UGT1A6: variants seen among roughly 807,000 people sequenced by gnomAD.
UGT1A6 encodes the protein UDP glucuronosyltransferase family 1 member A6.
A neutral mutation model predicts 44.4 loss-of-function variants in UGT1A6; 32 were observed. The ratio of observed to expected loss-of-function variants is 0.72; its 90% CI spans 0.54 to 0.97. The LOEUF is 0.97. Among genes scored for constraint, UGT1A6 ranks in the 50% least tolerant of loss-of-function variants. The pLI is 0.00. For synonymous variants in UGT1A6, 238 were observed against 248.5 expected (o/e 0.96, Z 0.40); for missense variants, 685 against 661.9 (o/e 1.03, Z -0.38).
rs1180664629 is a variant in UGT1A6, at chr2:233,724,483, C to T, written c.861+30618C>T. On this transcript the variant is annotated intron_variant, in intron 1 of 4. Coordinates refer to ENST00000305139, the MANE Select transcript of UGT1A6 (RefSeq NM_001072.4). ...GCGGAGGGGCTCCTCACTTCTCAGA[C>T]GGGGCGGCCGGGCAGAGACGCTCCT... 7.2e-3 allele frequency among the ~76,000 whole-genome samples: 496 copies of T among 68,798 alleles called. 18 individuals are homozygous for T. The highest frequency in any genetic ancestry group is 0.025 in the African/African-American group (456 of 18,100). The allele number at this position is 68,798 out of a possible 152,430, so 45.1% of individuals were successfully genotyped here. A position where few individuals can be genotyped will look rare whatever the true frequency, so the allele number is the denominator to read the frequency against.
At chr2:233,748,132 A>G (rs1234093790) in intron 1 of UGT1A6, 8 of 1,610,034 alleles carry the variant, frequency 5.0e-6, no homozygotes, top group Non-Finnish European at 6.8e-6. Context: ...CAGTTTTTAA[A>G]AATTGTATTT....
At chr2:233,767,269 G>T in intron 2 of UGT1A6, 104 bp downstream of exon 2, 1 of 1,582,682 alleles carries the variant, frequency 6.3e-7, no homozygotes, top group South Asian at 1.2e-5. Flanking sequence ...CTTAGATTTG[G>T]CTTTTCCCTG....
At position 233,747,695 on chromosome 2, in the gene UGT1A6, G is replaced by A. The variant is rs569419089; in HGVS notation, c.862-19339G>A. The A allele has an allele frequency of 6.2e-4, 998 of 1,611,470 alleles. 13 individuals carry two copies. In the South Asian group the frequency reaches 7.6e-3, roughly 12 times the overall value. On this transcript the variant is annotated intron_variant, in intron 1 of 4. Coordinates refer to ENST00000305139, the MANE Select transcript of UGT1A6 (RefSeq NM_001072.4). ...CAATTTACCTCTGTGGGGCAGTGCTGGCTAAGTACCTATCAATTCCTGCTG... is the reference window on the plus strand; with the variant it reads ...CAATTTACCTCTGTGGGGCAGTGCTAGCTAAGTACCTATCAATTCCTGCTG...
chr2:233,771,872 A>G (rs1206206288), intron 4 of UGT1A6, among the ~76,000 whole-genome samples: 1 of 140,570 alleles, frequency 7.1e-6, no homozygotes, highest in East Asian at 2.2e-4. Flanking sequence ...AACATTTATT[A>G]AGAATAAGTT....
chr2:233,729,326 T>C (rs370995578), intron 1 of UGT1A6: 82 of 1,614,128 alleles, frequency 5.1e-5, no homozygotes, highest in Non-Finnish European at 6.7e-5. Flanking sequence ...GAGGTGAATA[T>C]GCACATCAAA....
intron 1 of UGT1A6, chr2:233,760,565 T>C (rs2125985983): frequency 6.2e-7 from 1 of 1,614,264 alleles, no homozygotes; most frequent in Non-Finnish European, 8.5e-7. Context: ...GAGTCTTTTG[T>C]TAGTCTCGGG....
rs1247902787 is a variant in UGT1A6 at position 233,740,991 on chromosome 2, GAGGA to G, written c.862-26038_862-26035del. The G allele has an allele frequency of 1.6e-4, 25 of 151,764 alleles. 2 individuals are homozygous for G. Among genetic ancestry groups the G allele is most frequent in the African/African-American group, 6.1e-4 (25 of 41,070 alleles). 9.4% of individuals were successfully genotyped at this position (151,764 alleles called of 1,614,324 possible). A position where few individuals can be genotyped will look rare whatever the true frequency, so the allele number is the denominator to read the frequency against. ...AGTCCTAGCTACTGGGAATGCTGAGGAGGAAGGATCACTTGAGCCCAGGAATTCG... is the reference window on the plus strand; with the variant it reads ...AGTCCTAGCTACTGGGAATGCTGAGGAGGATCACTTGAGCCCAGGAATTCG... On this transcript the variant is annotated intron_variant, in intron 1 of 4. Coordinates refer to ENST00000305139, the MANE Select transcript of UGT1A6 (RefSeq NM_001072.4).
chr2:233,747,906 G>C, intron 1 of UGT1A6: 1 of 1,613,472 alleles, frequency 6.2e-7, no homozygotes, highest in Non-Finnish European at 8.5e-7. Context: ...TGCTCCTTAT[G>C]CAAGCCTTGC....
chr2:233,718,539 A>G (rs2076661264), intron 1 of UGT1A6, among the ~76,000 whole-genome samples: 1 of 152,200 alleles, frequency 6.6e-6, no homozygotes, highest in African/African-American at 2.4e-5. Flanking sequence ...TGTGTTGGGA[A>G]TTGAATGAGA....
At chr2:233,757,560 A>G (rs183308239) in intron 1 of UGT1A6, among the ~76,000 whole-genome samples, 5,655 of 123,138 alleles carry the variant, frequency 0.046, 493 homozygotes, top group Non-Finnish European at 0.065. Flanking sequence ...ATATATATAT[A>G]TGTATATATG....
chr2:233,743,604 C>T (rs780370004), intron 1 of UGT1A6: 10 of 1,367,184 alleles, frequency 7.3e-6, no homozygotes, highest in Middle Eastern at 2.1e-4. Flanking sequence ...TCCTGGCCGC[C>T]GAAGAACTCC....
intron 3 of UGT1A6, 132 bp downstream of exon 3, chr2:233,768,068 A>G: frequency 1.3e-6 from 2 of 1,596,810 alleles, no homozygotes; most frequent in Admixed American, 3.5e-5. Flanking sequence ...CTTTTTATCT[A>G]GTGGGGTATC....
At chr2:233,724,344 C>CCT (rs2077230748) in intron 1 of UGT1A6, among the ~76,000 whole-genome samples, 1 of 144,934 alleles carries the variant, frequency 6.9e-6, no homozygotes, top group African/African-American at 2.5e-5. Context: ...GGGCTGACCC[C>CCT]CCCCACCTCC....
intron 1 of UGT1A6, among the ~76,000 whole-genome samples, chr2:233,750,994 C>T (rs1482728432): frequency 6.6e-6 from 1 of 151,790 alleles, no homozygotes; most frequent in Non-Finnish European, 1.5e-5. Context: ...AGGCGGCCAC[C>T]ATCCTCCAGA....
intron 1 of UGT1A6, among the ~76,000 whole-genome samples, chr2:233,761,771 C>A (rs1035405620): frequency 6.6e-6 from 1 of 152,236 alleles, no homozygotes; most frequent in East Asian, 1.9e-4. Context: ...GTAGCATTCA[C>A]ATCCTCATCG....
Position 233,693,160 on chromosome 2 carries a change from G to T in UGT1A6, c.156G>T (p.Arg52=). 5 of 1,614,182 alleles carry T rather than the reference G, an allele frequency of 3.1e-6. No individual in the cohort carries two copies. The highest frequency in any genetic ancestry group is 4.2e-6 in the Non-Finnish European group (5 of 1,180,038). ...ATATAGTTGAGGTTCTCAGTGACCG[G>T]GGTCATGAGATTGTAGTGGTGGTGC... ...MKDIVEVLSD[R]GHEIVVVVPE... is the part of the protein sequence containing the mutation. The change falls in exon 1 of 5, where the codon CGG becomes CGT. Residue 52 remains arginine (R), a synonymous_variant. Transcript: ENST00000305139.
Position 233,738,670 on chromosome 2 carries a change from T to C in UGT1A6, c.862-28364T>C, listed in dbSNP as rs377285735. 5.3e-5 allele frequency among the ~76,000 whole-genome samples: 8 copies of C among 152,304 alleles called. No homozygotes were observed. The East Asian group carries it at 7.7e-4, about 15-fold the overall frequency. On this transcript the variant is annotated intron_variant, in intron 1 of 4. Transcript: ENST00000305139. ...TTTGGAACTACGAACTTGAGAGAGA[T>C]GATCTGAAATTGGAACTTATGTTTA...
chr2:233,728,331 C>T (rs1305680742), intron 1 of UGT1A6, among the ~76,000 whole-genome samples: 2 of 152,328 alleles, frequency 1.3e-5, no homozygotes, highest in South Asian at 2.1e-4. Flanking sequence ...CTCCAGCTCC[C>T]CCAGTCCCTT....
chr2:233,752,825 T>C (rs1254190294), intron 1 of UGT1A6, among the ~76,000 whole-genome samples: 1 of 152,218 alleles, frequency 6.6e-6, no homozygotes, highest in African/African-American at 2.4e-5. Context: ...ATTTATGACA[T>C]CAGTAATCTA....
Sources: allele counts gnomAD v4.1 joint callset (sites outside exome capture counted in the v4.1 genomes callset), GRCh38; gene constraint gnomAD v4.1.1; transcripts MANE v1.5; gene names NCBI Gene and HGNC (gene_info 2026-07-23, HGNC 2026-07-21).